REEP5: variants seen among roughly 807,000 people sequenced by gnomAD.
The protein encoded by REEP5 is receptor accessory protein 5.
Under a neutral mutation model 22.4 loss-of-function variants are expected in REEP5, and 24 were observed. The ratio of observed to expected loss-of-function variants is 1.07; its 90% confidence interval spans 0.78 to 1.51. REEP5 has a LOEUF of 1.51. REEP5 is among the 40% of genes most tolerant of loss of function. REEP5 has a pLI of 0.00. For missense variants in REEP5, 252 were observed against 233.0 expected (o/e 1.08, Z -0.53); for synonymous variants, 103 against 88.6 (o/e 1.16, Z -0.92).
intron 3 of REEP5, chr5:112,892,703 C>G (rs1270427124): frequency 1.2e-6 from 2 of 1,614,062 alleles, no homozygotes; most frequent in African/African-American, 1.3e-5. Flanking sequence ...TACTTGTCTT[C>G]AGATCAGACT....
At chr5:112,913,316 AAGAC>A (rs139061601) in intron 2 of REEP5, among the ~76,000 whole-genome samples, 5,694 of 151,268 alleles carry the variant, frequency 0.038, 377 homozygotes, top group African/African-American at 0.13. Flanking sequence ...GAAAGAAAGA[AAGAC>A]AGACAGACAG....
intron 2 of REEP5, among the ~76,000 whole-genome samples, chr5:112,910,358 A>C (rs184492148): frequency 6.6e-6 from 1 of 152,122 alleles, no homozygotes; most frequent in African/African-American, 2.4e-5. Context: ...ATGGTAGAGG[A>C]GGCTGTGTAT....
At position 112,877,745 on chromosome 5, in the gene REEP5, A is replaced by C. The variant is rs568626974; in HGVS notation, c.*1041T>G. On this transcript the variant is annotated 3_prime_UTR_variant, in exon 5 of 5. Coordinates refer to ENST00000379638, the MANE Select transcript of REEP5 (RefSeq NM_005669.5). The stretch of plus-strand genomic sequence containing the variant: ...TGTCGTCATTAGCATGTTGTTGCTA[A>C]TGATACAAACAAGAACATACATGTA... 1 of 152,290 alleles carries C rather than the reference A, an allele frequency of 6.6e-6. No individual in the cohort carries two copies. The highest frequency in any genetic ancestry group is 1.9e-4 in the East Asian group (1 of 5,188). 9.4% of individuals were successfully genotyped at this position (152,290 alleles called of 1,614,324 possible). A position where few individuals can be genotyped will look rare whatever the true frequency, so the allele number is the denominator to read the frequency against.
chr5:112,880,774 T>A lies in REEP5; in HGVS notation c.521-1939A>T, dbSNP rs73789235. ...GTGGGTGAAGTAGACAGAAATGACA[T>A]CACCACAGGTTGCTGATTAGGCTAA... On this transcript the variant is annotated intron_variant, in intron 4 of 4. Transcript: ENST00000379638. Among the ~76,000 whole-genome samples, 1,137 of 152,218 alleles carry A rather than the reference T, an allele frequency of 7.5e-3. 12 individuals carry two copies. Among genetic ancestry groups the A allele is most frequent in the African/African-American group, 0.026 (1,067 of 41,530 alleles).
At chr5:112,913,824 T>G (rs1390584998) in intron 2 of REEP5, among the ~76,000 whole-genome samples, 2 of 152,098 alleles carry the variant, frequency 1.3e-5, no homozygotes, top group Admixed American at 1.3e-4. Flanking sequence ...GGCCTTGATT[T>G]CCACATCTGT....
intron 3 of REEP5, chr5:112,892,881 A>T (rs747377561): frequency 1.1e-5 from 17 of 1,612,536 alleles, no homozygotes; most frequent in Non-Finnish European, 1.1e-5. Context: ...AATCTCACAA[A>T]CGCACATCAA....
chr5:112,897,336 A>C (rs1561653760), intron 3 of REEP5: 1 of 147,846 alleles, frequency 6.8e-6, no homozygotes. Context: ...TCCTCCCTAC[A>C]TAAAACACAT....
At chr5:112,905,618 AGATT>A (rs143762090) in intron 2 of REEP5, among the ~76,000 whole-genome samples, 37 of 148,382 alleles carry the variant, frequency 2.5e-4, no homozygotes, top group African/African-American at 6.3e-4. Flanking sequence ...CTTTTTAAAA[AGATT>A]GATTGATTGA....
intron 3 of REEP5, chr5:112,892,522 C>T (rs764585883): frequency 5.9e-5 from 96 of 1,613,986 alleles, no homozygotes; most frequent in Non-Finnish European, 7.5e-5. Context: ...GTTTAACGGA[C>T]GATGGTATGC....
At chr5:112,879,317 T>C (rs893500503) in intron 4 of REEP5, among the ~76,000 whole-genome samples, 1 of 40,458 alleles carries the variant, frequency 2.5e-5, no homozygotes, top group Non-Finnish European at 5.4e-5. Context: ...TCCCTTGATA[T>C]ATGTGTTTGG....
At chr5:112,901,446 C>T (rs879735533) in intron 3 of REEP5, among the ~76,000 whole-genome samples, 2 of 152,040 alleles carry the variant, frequency 1.3e-5, no homozygotes, top group East Asian at 1.9e-4. Flanking sequence ...CGGTGGCTCA[C>T]GCCTGTAATC....
intron 1 of REEP5, chr5:112,921,695 C>T (rs919513967): frequency 1.7e-5 from 4 of 239,774 alleles, no homozygotes; most frequent in East Asian, 1.2e-4. Context: ...CGGAGCTCCA[C>T]GGAGGGTCGG....
At chr5:112,921,120 A>G in intron 2 of REEP5, 43 bp downstream of exon 2, 1 of 1,575,040 alleles carries the variant, frequency 6.3e-7, no homozygotes, top group African/African-American at 1.3e-5. Flanking sequence ...TGCGGGGAGG[A>G]ATGGAGGAAG....
Position 112,921,182 on chromosome 5 carries a change from C to T in REEP5, c.193G>A (p.Gly65Ser). The T allele has an allele frequency of 6.2e-7, 1 of 1,614,086 alleles. No homozygotes were observed. Among genetic ancestry groups the T allele is most frequent in the East Asian group, 2.2e-5 (1 of 44,870 alleles). Residue 65 changes from glycine (G) to serine (S), a missense_variant, in exon 2 of 5, where the codon GGC (glycine) becomes AGC (serine). Gly to Ser is a moderately conservative substitution (Grantham distance 56). Transcript: ENST00000379638. ...ASLLCNLIGF[G>S]YPAYISIKAI... ...ACTTACGAGATGTAGGCTGGGTAGC[C>T]AAATCCTATCAGGTTGCAGAGGAGA...
intron 4 of REEP5, among the ~76,000 whole-genome samples, chr5:112,881,128 C>CAAAA (rs58737941): frequency 0.099 from 6,621 of 67,148 alleles, 760 homozygotes; most frequent in African/African-American, 0.15. Context: ...GACTCTGTTT[C>CAAAA]AAAAAAAAAA....
Position 112,878,727 on chromosome 5 carries a change from T to G in REEP5, c.*59A>C. ...AATAATTATACCACAGTCCCTAATA[T>G]AACATCAAGCTCCAGTAGGAAGGTA... On this transcript the variant is annotated 3_prime_UTR_variant, in exon 5 of 5. Transcript: ENST00000379638. The G allele has an allele frequency of 6.2e-7, 1 of 1,601,816 alleles. No homozygotes were observed. Among genetic ancestry groups the G allele is most frequent in the African/African-American group, 1.3e-5 (1 of 74,244 alleles).
At chr5:112,910,825 C>G (rs904338475) in intron 2 of REEP5, among the ~76,000 whole-genome samples, 10 of 152,186 alleles carry the variant, frequency 6.6e-5, no homozygotes, top group Admixed American at 5.2e-4. Context: ...GTCCTTCCTA[C>G]TCACCCACAG....
At chr5:112,900,962 G>T (rs1768826609) in intron 3 of REEP5, among the ~76,000 whole-genome samples, 1 of 151,558 alleles carries the variant, frequency 6.6e-6, no homozygotes, top group Non-Finnish European at 1.5e-5. Flanking sequence ...CTCACCTCCT[G>T]AGTAGCTGGG....
At chr5:112,882,338 GT>G (rs1482215880) in intron 4 of REEP5, among the ~76,000 whole-genome samples, 1 of 152,108 alleles carries the variant, frequency 6.6e-6, no homozygotes, top group Non-Finnish European at 1.5e-5. Context: ...TGATGATGGA[GT>G]ATTCCCGCTA....
Sources: allele counts gnomAD v4.1 joint callset (sites outside exome capture counted in the v4.1 genomes callset), GRCh38; gene constraint gnomAD v4.1.1; transcripts MANE v1.5; gene names NCBI Gene and HGNC (gene_info 2026-07-23, HGNC 2026-07-21).